BAIAP2L1: variants seen among roughly 807,000 people sequenced by gnomAD.
BAIAP2L1 encodes the protein BAR/IMD domain-containing adapter protein 2-like 1.
A neutral mutation model predicts 66.3 loss-of-function variants in BAIAP2L1; 35 were observed. The observed-to-expected ratio is 0.53, with a 90% CI of 0.40 to 0.70. The LOEUF (loss-of-function observed/expected upper bound fraction) is 0.70, where lower values mean the gene tolerates loss of function less well. Among genes scored for constraint, BAIAP2L1 ranks in the 30% least tolerant of loss-of-function variants. The pLI is 0.00. For synonymous variants in BAIAP2L1, 269 were observed against 248.7 expected (o/e 1.08, Z -0.77); for missense variants, 622 against 656.9 (o/e 0.95, Z 0.58).
rs558874733 is a variant in BAIAP2L1, at chr7:98,293,401, G to A, written c.*120C>T. 5.7e-5 allele frequency: 51 copies of A among 890,360 alleles called. 1 individual carries two copies. Among genetic ancestry groups the A allele is most frequent in the African/African-American group, 5.2e-4 (32 of 61,280 alleles). 55.2% of individuals were successfully genotyped at this position (890,360 alleles called of 1,614,324 possible). ...AGAAGCATGATTTGCTTAAGCAGGC[G>A]ACATTAGAGTTAGGCCTCTCCACTG... On this transcript the variant is annotated 3_prime_UTR_variant, in exon 14 of 14. Coordinates refer to ENST00000005260, the MANE Select transcript of BAIAP2L1 (RefSeq NM_018842.5).
intron 6 of BAIAP2L1, 22 bp from the exon 7 acceptor site, chr7:98,315,634 T>G: frequency 9.3e-7 from 1 of 1,076,450 alleles, no homozygotes; most frequent in Non-Finnish European, 1.2e-6. Context: ...AAAATAATAA[T>G]AATAATAATT....
intron 11 of BAIAP2L1, among the ~76,000 whole-genome samples, 176 bp downstream of exon 11, chr7:98,306,263 C>T (rs1277903672): frequency 1.3e-5 from 2 of 152,026 alleles, no homozygotes; most frequent in Admixed American, 6.6e-5. Flanking sequence ...CAGCAAAGCT[C>T]GGGGACAACA....
intron 1 of BAIAP2L1, among the ~76,000 whole-genome samples, chr7:98,387,070 G>C (rs1802912421): frequency 6.6e-6 from 1 of 152,096 alleles, no homozygotes; most frequent in Admixed American, 6.6e-5. Context: ...CGCGTATTAA[G>C]CTTTTCCTTC....
chr7:98,310,648 C>G lies in BAIAP2L1; in HGVS notation c.808-56G>C, dbSNP rs574826362. Reference sequence around the variant, plus strand: ...AGTATAGTGCAGAACCGGAATTACACAGATTCCCAAGGCTGTTTTTTTTTT... The same window carrying G: ...AGTATAGTGCAGAACCGGAATTACAGAGATTCCCAAGGCTGTTTTTTTTTT... On this transcript the variant is annotated intron_variant, in intron 8 of 13. Coordinates refer to ENST00000005260, the MANE Select transcript of BAIAP2L1 (RefSeq NM_018842.5). 9 of 1,349,028 alleles carry G rather than the reference C, an allele frequency of 6.7e-6. No homozygotes were observed. In the South Asian group the frequency reaches 1.2e-4, roughly 18 times the overall value. The allele number at this position is 1,349,028 out of a possible 1,614,324, so 83.6% of individuals were successfully genotyped here. A position where few individuals can be genotyped will look rare whatever the true frequency, so the allele number is the denominator to read the frequency against.
chr7:98,292,199 T>C lies in BAIAP2L1; in HGVS notation c.*1322A>G, dbSNP rs569479335. On this transcript the variant is annotated 3_prime_UTR_variant, in exon 14 of 14. Coordinates refer to ENST00000005260, the MANE Select transcript of BAIAP2L1 (RefSeq NM_018842.5). ...TCAGCCTCATAGGATACTACACTTATGGCAAGGCTAAAGGAGAGGGGATAA... is the reference window on the plus strand; with the variant it reads ...TCAGCCTCATAGGATACTACACTTACGGCAAGGCTAAAGGAGAGGGGATAA... 6.7e-5 allele frequency: 12 copies of C among 180,276 alleles called. No individual in the cohort carries two copies. In the South Asian group the frequency reaches 1.1e-3, roughly 16 times the overall value. The allele number at this position is 180,276 out of a possible 1,614,324, so 11.2% of individuals were successfully genotyped here. A position where few individuals can be genotyped will look rare whatever the true frequency, so the allele number is the denominator to read the frequency against.
chr7:98,342,304 C>A (rs1801760698), intron 3 of BAIAP2L1, among the ~76,000 whole-genome samples: 2 of 152,098 alleles, frequency 1.3e-5, no homozygotes, highest in Admixed American at 1.3e-4. Context: ...CCACCTCGGC[C>A]TCCCAAAGTG....
chr7:98,354,130 C>T (rs1028528230), intron 3 of BAIAP2L1, among the ~76,000 whole-genome samples: 1 of 152,034 alleles, frequency 6.6e-6, no homozygotes, highest in Non-Finnish European at 1.5e-5. Context: ...GGACCCAGAT[C>T]GCCTCTGCAC....
chr7:98,333,957 A>C (rs1801556447), intron 3 of BAIAP2L1, among the ~76,000 whole-genome samples: 1 of 152,208 alleles, frequency 6.6e-6, no homozygotes, highest in African/African-American at 2.4e-5. Context: ...TAATAAAGTT[A>C]GAAATTGAGT....
intron 12 of BAIAP2L1, among the ~76,000 whole-genome samples, chr7:98,298,020 C>T (rs2116802520): frequency 6.6e-6 from 1 of 150,802 alleles, no homozygotes; most frequent in East Asian, 2.0e-4. Context: ...TGCCTGAGGT[C>T]AGGAGTTCAA....
rs1489582853 is a variant in BAIAP2L1, at chr7:98,401,028, T to TG, written c.-177dup. On this transcript the variant is annotated 5_prime_UTR_variant, in exon 1 of 14. Transcript: ENST00000005260. Reference sequence around the variant, plus strand: ...TCTCCGCTGCGAAAATGTCAAAACTTGCGGCAGCGCCGCCCTGGCCTTCTT... The same window carrying TG: ...TCTCCGCTGCGAAAATGTCAAAACTTGGCGGCAGCGCCGCCCTGGCCTTCTT... 5 of 437,960 alleles carry TG rather than the reference T, an allele frequency of 1.1e-5. No individual in the cohort carries two copies. The highest frequency in any genetic ancestry group is 1.2e-4 in the South Asian group (2 of 16,810). 27.1% of individuals were successfully genotyped at this position (437,960 alleles called of 1,614,324 possible).
chr7:98,303,349 G>A (rs1460589981), intron 12 of BAIAP2L1, among the ~76,000 whole-genome samples: 3 of 152,108 alleles, frequency 2.0e-5, no homozygotes, highest in African/African-American at 4.8e-5. Flanking sequence ...CTCCTGGAGC[G>A]AGGGGTGCAG....
At chr7:98,398,687 G>A (rs1803278028) in intron 1 of BAIAP2L1, among the ~76,000 whole-genome samples, 1 of 152,036 alleles carries the variant, frequency 6.6e-6, no homozygotes, top group African/African-American at 2.4e-5. Flanking sequence ...CCGTTCTTTG[G>A]GTAATAAGAC....
rs1477627594 is a variant in BAIAP2L1 at position 98,293,530 on chromosome 7, G to A, written c.1527C>T (p.Ile509=). 5 of 1,613,316 alleles carry A rather than the reference G, an allele frequency of 3.1e-6. No individual in the cohort carries two copies. In the Admixed American group the frequency reaches 6.7e-5, roughly 22 times the overall value. The change falls in exon 14 of 14, where the codon ATC becomes ATT. Residue 509 remains isoleucine (I), a synonymous_variant. Transcript: ENST00000005260. ...GTCCTTGGCTGTCCTCTCATCGAATGATGGGTGCCGAGCGATCATTCGTCA... is the reference window on the plus strand; with the variant it reads ...GTCCTTGGCTGTCCTCTCATCGAATAATGGGTGCCGAGCGATCATTCGTCA... The part of the protein sequence containing the change: ...PTVTNDRSAP[I]IR
intron 3 of BAIAP2L1, among the ~76,000 whole-genome samples, chr7:98,332,969 C>T (rs1055090557): frequency 1.3e-5 from 2 of 152,044 alleles, no homozygotes; most frequent in East Asian, 1.9e-4. Flanking sequence ...ACCTCATCCT[C>T]GCCTGCCCCT....
chr7:98,377,819 C>CAAAAAAAAA (rs55633908), intron 1 of BAIAP2L1, among the ~76,000 whole-genome samples: 1 of 40,768 alleles, frequency 2.5e-5, no homozygotes, highest in Non-Finnish European at 3.8e-5. Context: ...GACTCAATCT[C>CAAAAAAAAA]AAAAAAAAAA....
intron 2 of BAIAP2L1, among the ~76,000 whole-genome samples, chr7:98,360,357 A>C (rs529176006): frequency 3.9e-5 from 6 of 152,276 alleles, no homozygotes; most frequent in African/African-American, 1.2e-4. Context: ...TTGTGTTCTA[A>C]CGTAACTGTG....
chr7:98,356,547 A>C (rs985274125), intron 2 of BAIAP2L1, among the ~76,000 whole-genome samples: 4 of 151,098 alleles, frequency 2.6e-5, no homozygotes, highest in African/African-American at 9.7e-5. Context: ...CCCAGGCTGG[A>C]GTGCAGTGGC....
intron 6 of BAIAP2L1, among the ~76,000 whole-genome samples, chr7:98,316,172 C>T (rs895040907): frequency 9.9e-5 from 15 of 152,146 alleles, no homozygotes; most frequent in African/African-American, 3.6e-4. Flanking sequence ...CTCTCCTTTG[C>T]CTGCTGCCAT....
intron 1 of BAIAP2L1, among the ~76,000 whole-genome samples, chr7:98,388,601 C>G: frequency 6.6e-6 from 1 of 152,214 alleles, no homozygotes; most frequent in Admixed American, 6.6e-5. Flanking sequence ...TCAGACATAA[C>G]TGATGTCCTG....
Sources: allele counts gnomAD v4.1 joint callset (sites outside exome capture counted in the v4.1 genomes callset), GRCh38; gene constraint gnomAD v4.1.1; transcripts MANE v1.5; gene names NCBI Gene and HGNC (gene_info 2026-07-23, HGNC 2026-07-21).